The following CACNA2D3 variants were observed in gnomAD, a reference collection of about 807,000 sequenced individuals.
CACNA2D3 encodes voltage-dependent calcium channel subunit alpha-2/delta-3.
A neutral mutation model predicts 160.6 loss-of-function variants in CACNA2D3; 60 were observed. That is an observed-to-expected ratio of 0.37 (90% CI 0.30 to 0.46). The LOEUF (loss-of-function observed/expected upper bound fraction) is 0.46. Among genes scored for constraint, CACNA2D3 ranks in the 20% least tolerant of loss-of-function variants. The pLI is 1.00. For synonymous variants in CACNA2D3, 558 were observed against 492.9 expected (o/e 1.13, Z -1.75); for missense variants, 1,205 against 1,365.0 (o/e 0.88, Z 1.85).
intron 2 of CACNA2D3, among the ~76,000 whole-genome samples, chr3:54,224,393 C>T (rs1461040847): frequency 1.3e-5 from 2 of 152,132 alleles, no homozygotes; most frequent in Non-Finnish European, 2.9e-5. Context: ...GTATTATGTA[C>T]TGTACGTAAC....
At chr3:54,467,851 C>T (rs1700656747) in intron 4 of CACNA2D3, among the ~76,000 whole-genome samples, 1 of 152,016 alleles carries the variant, frequency 6.6e-6, no homozygotes, top group Admixed American at 6.5e-5. Flanking sequence ...TTCTATATTT[C>T]AAAGTAGCTG....
intron 11 of CACNA2D3, among the ~76,000 whole-genome samples, chr3:54,716,334 G>A (rs886804377): frequency 2.6e-5 from 4 of 152,050 alleles, no homozygotes; most frequent in Non-Finnish European, 2.9e-5. Flanking sequence ...ATGTGTGGCC[G>A]ATACCTTTTC....
At chr3:54,628,101 G>A (rs746052218) in intron 10 of CACNA2D3, among the ~76,000 whole-genome samples, 28 of 152,146 alleles carry the variant, frequency 1.8e-4, no homozygotes, top group Admixed American at 4.6e-4. Context: ...GCATGGTGGC[G>A]GGTGCCTGTA....
intron 11 of CACNA2D3, among the ~76,000 whole-genome samples, chr3:54,697,548 T>G (rs1481205420): frequency 6.6e-6 from 1 of 152,192 alleles, no homozygotes; most frequent in African/African-American, 2.4e-5. Context: ...AGAATACATG[T>G]TCACTGCCCT....
chr3:54,618,806 A>T (rs1698920065), intron 9 of CACNA2D3, among the ~76,000 whole-genome samples: 1 of 152,154 alleles, frequency 6.6e-6, no homozygotes, highest in African/African-American at 2.4e-5. Context: ...GCTGGCACCC[A>T]CAGCACTGGT....
intron 11 of CACNA2D3, among the ~76,000 whole-genome samples, chr3:54,726,736 T>C (rs1241277659): frequency 6.6e-6 from 1 of 152,158 alleles, no homozygotes; most frequent in Non-Finnish European, 1.5e-5. Context: ...ACTGGACCCC[T>C]CCCTTACACC....
In CACNA2D3 at chr3:54,730,768, G is replaced by C. The variant is rs533215694; in HGVS notation, c.1168-21831G>C. ...TCCACCCGCCTTGGCCTCCCCAAGT[G>C]CTGGGATTACAGGAGTGAGCCACTG... On this transcript the variant is annotated intron_variant, in intron 11 of 37. Transcript: ENST00000474759. 2.0e-5 allele frequency among the ~76,000 whole-genome samples: 3 copies of C among 152,294 alleles called. No individual in the cohort carries two copies. The South Asian group carries it at 6.2e-4, about 32-fold the overall frequency.
At chr3:54,476,904 A>T (rs917355408) in intron 4 of CACNA2D3, among the ~76,000 whole-genome samples, 2 of 152,220 alleles carry the variant, frequency 1.3e-5, no homozygotes, top group African/African-American at 4.8e-5. Context: ...TTTATGTTAA[A>T]GATCCAAGTG....
At chr3:55,005,310 TA>T (rs965563595) in intron 32 of CACNA2D3, among the ~76,000 whole-genome samples, 26 of 151,564 alleles carry the variant, frequency 1.7e-4, no homozygotes, top group Middle Eastern at 3.4e-3. Context: ...AAATTAAAAT[TA>T]AAAAAAGCCA....
At chr3:54,942,694 G>T (rs2106989145) in intron 27 of CACNA2D3, among the ~76,000 whole-genome samples, 1 of 152,124 alleles carries the variant, frequency 6.6e-6, no homozygotes, top group East Asian at 1.9e-4. Flanking sequence ...TTTGAGACCA[G>T]CCTGGGCAAC....
intron 27 of CACNA2D3, chr3:54,924,578 G>A (rs376351077): frequency 6.8e-7 from 1 of 1,465,206 alleles, no homozygotes; most frequent in African/African-American, 1.4e-5. Context: ...ATCCTAGGCT[G>A]GTAACACACA....
chr3:54,839,532 C>T (rs1271291168), intron 16 of CACNA2D3, among the ~76,000 whole-genome samples: 1 of 152,158 alleles, frequency 6.6e-6, no homozygotes, highest in Non-Finnish European at 1.5e-5. Flanking sequence ...CCACATCCAC[C>T]CCCTTCTCCC....
intron 27 of CACNA2D3, among the ~76,000 whole-genome samples, chr3:54,947,329 A>C: frequency 6.6e-6 from 1 of 152,272 alleles, no homozygotes. Context: ...TCTTCCAAGC[A>C]GTGCTAATGC....
chr3:54,954,591 AGCTCGTTCAGGAG>A (rs946544463), intron 27 of CACNA2D3, among the ~76,000 whole-genome samples: 1 of 152,180 alleles, frequency 6.6e-6, no homozygotes, highest in Admixed American at 6.5e-5. Context: ...TTTCCTGAGC[AGCTCGTTCAGGAG>A]GCTGGAGGTA....
At position 54,192,736 on chromosome 3, in the gene CACNA2D3, G is replaced by T. The variant is rs189312559; in HGVS notation, c.204+69142G>T. On this transcript the variant is annotated intron_variant, in intron 2 of 37. Transcript: ENST00000474759. ...ATGCTGCTGTAGATTATTCTCTGGG[G>T]ACAATCAGTGCTGCCCTCCAGGTAT... 5.3e-5 allele frequency among the ~76,000 whole-genome samples: 8 copies of T among 152,204 alleles called. No individual in the cohort carries two copies. The East Asian group carries it at 1.2e-3, about 22-fold the overall frequency.
At chr3:54,250,947 C>G (rs137879972) in intron 2 of CACNA2D3, among the ~76,000 whole-genome samples, 21 of 151,948 alleles carry the variant, frequency 1.4e-4, no homozygotes, top group Non-Finnish European at 2.9e-4. Flanking sequence ...ATTTGAAGGC[C>G]AATGACAGGA....
At position 55,007,699 on chromosome 3, in the gene CACNA2D3, G is replaced by A. The variant is rs796807078; in HGVS notation, c.2767-91G>A. On this transcript the variant is annotated intron_variant, in intron 32 of 37. Transcript: ENST00000474759. ...TAACATGATATCAATCTCTCTAGAA[G>A]AATAACATTGTCCTTATGTAAAGCC... The A allele has an allele frequency of 2.2e-5, 17 of 790,346 alleles. No homozygotes were observed. The South Asian group carries it at 2.4e-4, about 11-fold the overall frequency. 49.0% of individuals were successfully genotyped at this position (790,346 alleles called of 1,614,324 possible).
intron 5 of CACNA2D3, 84 bp from the exon 6 acceptor site, chr3:54,562,716 A>G (rs1575347549): frequency 8.4e-7 from 1 of 1,193,280 alleles, no homozygotes; most frequent in South Asian, 1.4e-5. Flanking sequence ...TTGTGCCAGT[A>G]TCTGCCAAGC....
intron 2 of CACNA2D3, among the ~76,000 whole-genome samples, chr3:54,281,362 C>T (rs576891198): frequency 1.6e-4 from 25 of 152,086 alleles, no homozygotes; most frequent in Non-Finnish European, 2.6e-4. Context: ...TCCAGATTGC[C>T]GAAAAACACA....
Sources: gnomAD v4.1 joint callset for allele counts (sites outside exome capture counted in the v4.1 genomes callset) on GRCh38, gnomAD v4.1.1 for gene constraint, MANE v1.5 for transcripts, NCBI Gene and HGNC (gene_info 2026-07-23, HGNC 2026-07-21) for gene names.